The following APCDD1L variants were observed in gnomAD, a reference collection of about 807,000 sequenced individuals.
The protein encoded by APCDD1L is APC down-regulated 1 like.
APCDD1L carries 21 observed loss-of-function variants against 24.2 expected under a neutral mutation model. The ratio of observed to expected loss-of-function variants is 0.87; its 90% CI spans 0.61 to 1.25. The LOEUF is 1.25. APCDD1L is among the 50% of genes most tolerant of loss of function. The pLI, the probability that APCDD1L is intolerant of heterozygous loss-of-function variation, is 0.00. For missense variants in APCDD1L, 704 were observed against 711.7 expected, an observed-to-expected ratio of 0.99 and a Z score of 0.12; for synonymous variants, 321 against 323.6, an observed-to-expected ratio of 0.99 and a Z score of 0.09.
In APCDD1L at chr20:58,467,700, C is replaced by T. The variant is rs746309857; in HGVS notation, c.189-42G>A. 7.1e-6 allele frequency: 10 copies of T among 1,414,934 alleles called. No homozygotes were observed. The Admixed American group carries it at 2.8e-4, about 40-fold the overall frequency. The allele number at this position is 1,414,934 out of a possible 1,614,324, so 87.6% of individuals were successfully genotyped here. A position where few individuals can be genotyped will look rare whatever the true frequency, so the allele number is the denominator to read the frequency against. ...AGATGGGCTGGGTGCAGAGGGAACACCGCGCCGCGAGCCCCTCTCCCCTCT... is the reference window on the plus strand; with the variant it reads ...AGATGGGCTGGGTGCAGAGGGAACATCGCGCCGCGAGCCCCTCTCCCCTCT... On this transcript the variant is annotated intron_variant, in intron 2 of 3. Transcript: ENST00000371149. The surrounding 1 kb of genome is among the most constrained non-coding windows in gnomAD (Gnocchi z 5.9).
rs1206965371 is a variant in APCDD1L, at chr20:58,497,499, T to C, written c.49+17160A>G. 2.0e-5 allele frequency among the ~76,000 whole-genome samples: 3 copies of C among 152,210 alleles called. No individual in the cohort carries two copies. Among genetic ancestry groups the C allele is most frequent in the African/African-American group, 7.2e-5 (3 of 41,446 alleles). On this transcript the variant is annotated intron_variant, in intron 1 of 3. Coordinates refer to ENST00000371149, the MANE Select transcript of APCDD1L (RefSeq NM_153360.3). This position sits in a 1 kb window ranked among gnomAD's most constrained non-coding sequence, Gnocchi z 4.3. Reference sequence around the variant, plus strand: ...AGGTGCGAGCTGGGTTGGTTCCTTCTGAGGCTGGGCCGGGATTGTTCCAGG... The same window carrying C: ...AGGTGCGAGCTGGGTTGGTTCCTTCCGAGGCTGGGCCGGGATTGTTCCAGG...
At position 58,467,202 on chromosome 20, in the gene APCDD1L, C is replaced by T. The variant is rs1176835361; in HGVS notation, c.645G>A (p.Leu215=). The T allele has an allele frequency of 1.9e-6, 3 of 1,604,616 alleles. No homozygotes were observed. In the East Asian group the frequency reaches 6.7e-5, roughly 36 times the overall value. Residue 215 remains leucine, a synonymous_variant, in exon 3 of 4, where the codon CTG becomes CTA. Transcript: ENST00000371149. This position sits in a 1 kb window ranked among gnomAD's most constrained non-coding sequence, Gnocchi z 5.9. ...LQPQPRASPR[L]VEELYLGDIH... is the part of the protein sequence containing the mutation. ...TGTCCCCCAGGTACAGCTCCTCCAC[C>T]AGCCGGGGCGACGCCCGGGGCTGCG...
At chr20:58,495,950 AT>A (rs1246580133) in intron 1 of APCDD1L, among the ~76,000 whole-genome samples, 3 of 152,094 alleles carry the variant, frequency 2.0e-5, no homozygotes, top group Admixed American at 6.5e-5. Flanking sequence ...CTGTGCCCAC[AT>A]CCCCCATCCT....
At chr20:58,465,781 T>C (rs980559797) in intron 3 of APCDD1L, among the ~76,000 whole-genome samples, 2 of 152,206 alleles carry the variant, frequency 1.3e-5, no homozygotes, top group African/African-American at 2.4e-5. Context: ...ACTAACAGCA[T>C]TGCAGGTACT....
chr20:58,511,359 G>A (rs529164081), intron 1 of APCDD1L, among the ~76,000 whole-genome samples: 1 of 152,194 alleles, frequency 6.6e-6, no homozygotes, highest in African/African-American at 2.4e-5. Context: ...CATTTTCCAG[G>A]CTGGTTTTGG....
intron 1 of APCDD1L, among the ~76,000 whole-genome samples, chr20:58,493,936 C>CTGTAGTCTA (rs1990271525): frequency 6.6e-6 from 1 of 152,180 alleles, no homozygotes; most frequent in African/African-American, 2.4e-5. Context: ...CTACAGTTAA[C>CTGTAGTCTA]CAGAAGCCTA....
Position 58,502,790 on chromosome 20 carries a change from G to A in APCDD1L, c.49+11869C>T, listed in dbSNP as rs532800047. ...TCTATGTAAACAGGGAATATGTTTC[G>A]CCCACTTAATAATGAAGTCCAGCAG... is the stretch of plus-strand genomic sequence containing the variant. On this transcript the variant is annotated intron_variant, in intron 1 of 3. Coordinates refer to ENST00000371149, the MANE Select transcript of APCDD1L (RefSeq NM_153360.3). Among the ~76,000 whole-genome samples, 32 of 151,456 alleles carry A rather than the reference G, an allele frequency of 2.1e-4. 1 individual carries two copies. In the South Asian group the frequency reaches 4.0e-3, roughly 19 times the overall value.
intron 1 of APCDD1L, among the ~76,000 whole-genome samples, chr20:58,496,221 C>T (rs1990318398): frequency 6.6e-6 from 1 of 152,178 alleles, no homozygotes; most frequent in Admixed American, 6.5e-5. Context: ...TGGGGAGGGA[C>T]TGTGACAGTG....
At chr20:58,466,219 A>C (rs1478207623) in intron 3 of APCDD1L, among the ~76,000 whole-genome samples, 1 of 151,584 alleles carries the variant, frequency 6.6e-6, no homozygotes, top group Non-Finnish European at 1.5e-5. Flanking sequence ...AATCTAGGTT[A>C]ATCAGCTTCA....
intron 1 of APCDD1L, among the ~76,000 whole-genome samples, chr20:58,471,149 C>A (rs1011762681): frequency 2.6e-5 from 4 of 152,188 alleles, no homozygotes; most frequent in African/African-American, 9.7e-5. Flanking sequence ...CGCTCCTGGA[C>A]AAAGGGCACT....
At chr20:58,513,207 C>CCTCCCTAT (rs1990664048) in intron 1 of APCDD1L, among the ~76,000 whole-genome samples, 1 of 152,168 alleles carries the variant, frequency 6.6e-6, no homozygotes, top group Non-Finnish European at 1.5e-5. Flanking sequence ...CCCATCCTGT[C>CCTCCCTAT]CTCCCTATCT....
chr20:58,474,536 T>C (rs1370905769), intron 1 of APCDD1L, among the ~76,000 whole-genome samples: 2 of 152,144 alleles, frequency 1.3e-5, no homozygotes, highest in African/African-American at 4.8e-5. Context: ...AAACCCTGTT[T>C]ATACTAAAAG....
At position 58,470,489 on chromosome 20, in the gene APCDD1L, G is replaced by A. The variant is rs946204412; in HGVS notation, c.188+120C>T. On this transcript the variant is annotated intron_variant, in intron 2 of 3. Transcript: ENST00000371149. ...GGCAAGCATCTCCAGCAGCTTGGCAGGTAGAAGGCCTCTTGGATAACTATG... is the reference window on the plus strand; with the variant it reads ...GGCAAGCATCTCCAGCAGCTTGGCAAGTAGAAGGCCTCTTGGATAACTATG... 40 of 1,353,114 alleles carry A rather than the reference G, an allele frequency of 3.0e-5. No homozygotes were observed. The African/African-American group carries it at 4.6e-4, about 15-fold the overall frequency. 83.8% of individuals were successfully genotyped at this position (1,353,114 alleles called of 1,614,324 possible). A position where few individuals can be genotyped will look rare whatever the true frequency, so the allele number is the denominator to read the frequency against.
chr20:58,490,706 C>T (rs1253636545), intron 1 of APCDD1L, among the ~76,000 whole-genome samples: 1 of 152,208 alleles, frequency 6.6e-6, no homozygotes, highest in Non-Finnish European at 1.5e-5. Context: ...TTTTCAAAAA[C>T]TTAAGTCCAT....
At chr20:58,493,786 G>A (rs1377823183) in intron 1 of APCDD1L, among the ~76,000 whole-genome samples, 1 of 152,202 alleles carries the variant, frequency 6.6e-6, no homozygotes, top group Non-Finnish European at 1.5e-5. Context: ...TTTGGGATGA[G>A]GGCTGGGCTC....
In APCDD1L at chr20:58,461,102, G is replaced by C. The variant is rs763584836; in HGVS notation, c.1194C>G (p.Gly398=). 6.2e-7 allele frequency: 1 copy of C among 1,614,010 alleles called. No individual in the cohort carries two copies. Among genetic ancestry groups the C allele is most frequent in the South Asian group, 1.1e-5 (1 of 91,086 alleles). The change falls in exon 4 of 4, where the codon GGC becomes GGG. Residue 398 remains glycine (G), a synonymous_variant. Transcript: ENST00000371149. This position sits in a 1 kb window ranked among gnomAD's most constrained non-coding sequence, Gnocchi z 6.0. The part of the protein sequence containing the change: ...GTERDVTATN[G]CLPLGIRLPH... ...GGAGCCGGATGCCCAGCGGTAGGCA[G>C]CCGTTGGTGGCTGTGACATCCCGCT...
intron 3 of APCDD1L, among the ~76,000 whole-genome samples, chr20:58,463,400 G>C (rs1489504818): frequency 6.6e-6 from 1 of 151,974 alleles, no homozygotes; most frequent in Non-Finnish European, 1.5e-5. Context: ...TCGTGAGCTG[G>C]GTTTACCGTA....
At chr20:58,509,745 G>A (rs924953840) in intron 1 of APCDD1L, among the ~76,000 whole-genome samples, 2 of 152,190 alleles carry the variant, frequency 1.3e-5, no homozygotes, top group African/African-American at 4.8e-5. Context: ...GCAAATCTGG[G>A]CCAACTCCTA....
chr20:58,488,183 C>T (rs1990159900), intron 1 of APCDD1L, among the ~76,000 whole-genome samples: 1 of 152,138 alleles, frequency 6.6e-6, no homozygotes, highest in East Asian at 1.9e-4. Context: ...TCTGCTGCAT[C>T]CCACCCTGGA....
Sources: allele counts gnomAD v4.1 joint callset (sites outside exome capture counted in the v4.1 genomes callset), GRCh38; gene constraint gnomAD v4.1.1; non-coding constraint Gnocchi (gnomAD v3.1); transcripts MANE v1.5; gene names NCBI Gene and HGNC (gene_info 2026-07-23, HGNC 2026-07-21).